FGGY: variants seen among roughly 807,000 people sequenced by gnomAD.
FGGY encodes FGGY carbohydrate kinase domain containing, also known as FGGY carbohydrate kinase domain-containing protein.
In FGGY, 72 loss-of-function variants were observed where a neutral mutation model predicts 71.3. The observed-to-expected ratio is 1.01, with a 90% confidence interval of 0.84 to 1.23. The LOEUF (loss-of-function observed/expected upper bound fraction) is 1.23, where lower values mean the gene tolerates loss of function less well. Among genes scored for constraint, FGGY ranks in the 50% most tolerant of loss-of-function variants. The probability of loss-of-function intolerance (pLI) is 0.00; values close to 1 mark genes in which losing one functional copy is unlikely to be tolerated. For missense variants in FGGY, 668 were observed against 682.3 expected (o/e 0.98, Z 0.23); for synonymous variants, 251 against 250.3 (o/e 1.00, Z -0.02).
chr1:59,443,164 C>A (rs190153658), intron 5 of FGGY, among the ~76,000 whole-genome samples: 1 of 152,184 alleles, frequency 6.6e-6, no homozygotes, highest in East Asian at 1.9e-4. Context: ...TAGAGATAAT[C>A]CTAGCTTATC....
chr1:59,356,009 A>T (rs2054245260), intron 4 of FGGY, among the ~76,000 whole-genome samples: 1 of 152,198 alleles, frequency 6.6e-6, no homozygotes, highest in Admixed American at 6.5e-5. Context: ...TATTTTCCTG[A>T]ATAAATAATG....
chr1:59,568,550 G>A (rs1300620463), intron 8 of FGGY, among the ~76,000 whole-genome samples: 2 of 152,072 alleles, frequency 1.3e-5, no homozygotes, highest in Admixed American at 6.6e-5. Context: ...GCTAGGAAGA[G>A]GTAGAGCTGA....
chr1:59,342,757 G>C (rs1262111804), intron 3 of FGGY, among the ~76,000 whole-genome samples: 1 of 152,170 alleles, frequency 6.6e-6, no homozygotes, highest in African/African-American at 2.4e-5. Context: ...GAAGATTCCA[G>C]ATAACCCTAA....
At chr1:59,444,048 T>G (rs753825905) in intron 5 of FGGY, among the ~76,000 whole-genome samples, 1 of 152,076 alleles carries the variant, frequency 6.6e-6, no homozygotes, top group Non-Finnish European at 1.5e-5. Context: ...CCAACATTAC[T>G]AGAATGGAGA....
chr1:59,688,689 T>A (rs1260594677), intron 14 of FGGY, among the ~76,000 whole-genome samples: 1 of 152,222 alleles, frequency 6.6e-6, no homozygotes, highest in Admixed American at 6.5e-5. Context: ...GCATATGCTC[T>A]TTCCACTTGG....
At chr1:59,397,783 CT>C (rs1054703972) in intron 5 of FGGY, among the ~76,000 whole-genome samples, 4 of 152,288 alleles carry the variant, frequency 2.6e-5, no homozygotes, top group African/African-American at 9.6e-5. Context: ...AGCATTTTTA[CT>C]TTTTACCCTT....
chr1:59,669,162 A>G (rs2097353027), intron 13 of FGGY, among the ~76,000 whole-genome samples: 1 of 152,202 alleles, frequency 6.6e-6, no homozygotes, highest in South Asian at 2.1e-4. Context: ...CCCATCTTAC[A>G]GACAAGCAAG....
intron 4 of FGGY, among the ~76,000 whole-genome samples, chr1:59,360,082 T>C (rs2055147095): frequency 6.7e-6 from 1 of 150,328 alleles, no homozygotes; most frequent in Admixed American, 6.7e-5. Flanking sequence ...ACCGATTAAT[T>C]ATTCATAATT....
intron 5 of FGGY, among the ~76,000 whole-genome samples, chr1:59,407,577 A>G (rs76866765): frequency 0.052 from 7,955 of 152,224 alleles, 291 homozygotes; most frequent in Non-Finnish European, 0.064. Context: ...ATATTCTGAT[A>G]GTTATCCTGA....
chr1:59,717,930 A>G (rs964398317), intron 14 of FGGY, among the ~76,000 whole-genome samples: 3 of 152,162 alleles, frequency 2.0e-5, no homozygotes, highest in African/African-American at 4.8e-5. Flanking sequence ...GGGTATTATC[A>G]TCTTCTTTGT....
intron 14 of FGGY, among the ~76,000 whole-genome samples, chr1:59,687,693 C>A (rs564685022): frequency 6.6e-6 from 1 of 151,492 alleles, no homozygotes; most frequent in East Asian, 1.9e-4. Flanking sequence ...TGACCTCGAT[C>A]TCCTGACCTC....
intron 7 of FGGY, among the ~76,000 whole-genome samples, chr1:59,537,648 A>G (rs28876211): frequency 0.2 from 30,283 of 151,620 alleles, 4,099 homozygotes; most frequent in African/African-American, 0.38. Flanking sequence ...CCAAAACAGA[A>G]ATATAGATCA....
chr1:59,610,496 CGGTT>C (rs78008565), intron 9 of FGGY, among the ~76,000 whole-genome samples: 1,677 of 152,312 alleles, frequency 0.011, 19 homozygotes, highest in Admixed American at 0.017. Context: ...GCATTTGGGT[CGGTT>C]CCATGTCTTT....
At chr1:59,540,335 G>A (rs1279516214) in intron 7 of FGGY, among the ~76,000 whole-genome samples, 16 of 152,168 alleles carry the variant, frequency 1.1e-4, no homozygotes, top group Non-Finnish European at 2.4e-4. Context: ...CAAACCCCCA[G>A]TTCCCATCAA....
intron 6 of FGGY, among the ~76,000 whole-genome samples, chr1:59,466,122 A>T (rs968008044): frequency 6.6e-6 from 1 of 152,244 alleles, no homozygotes; most frequent in Non-Finnish European, 1.5e-5. Flanking sequence ...AGGCTACAGT[A>T]ACCAAAAGAG....
chr1:59,382,520 G>A (rs1229101219), intron 5 of FGGY, among the ~76,000 whole-genome samples: 1 of 152,160 alleles, frequency 6.6e-6, no homozygotes, highest in Admixed American at 6.5e-5. Flanking sequence ...GGTGTAATTA[G>A]TCACCATTAT....
At chr1:59,654,276 G>A (rs990530656) in intron 11 of FGGY, among the ~76,000 whole-genome samples, 1 of 152,154 alleles carries the variant, frequency 6.6e-6, no homozygotes, top group Non-Finnish European at 1.5e-5. Context: ...GTCCTCCAAT[G>A]TCCCTTTTCC....
intron 11 of FGGY, among the ~76,000 whole-genome samples, chr1:59,654,391 T>C (rs921602466): frequency 6.6e-5 from 10 of 152,170 alleles, no homozygotes; most frequent in Non-Finnish European, 1.5e-4. Flanking sequence ...TGCCTCTCCA[T>C]TGTGTTCTGG....
At chr1:59,408,038 G>C (rs2063026667) in intron 5 of FGGY, among the ~76,000 whole-genome samples, 1 of 152,158 alleles carries the variant, frequency 6.6e-6, no homozygotes. Flanking sequence ...GTTCTCATAA[G>C]TAATACTAGA....
Sources: allele counts gnomAD v4.1 joint callset (sites outside exome capture counted in the v4.1 genomes callset), GRCh38; gene constraint gnomAD v4.1.1; transcripts MANE v1.5; gene names NCBI Gene and HGNC (gene_info 2026-07-23, HGNC 2026-07-21).